FHIT: variants seen among roughly 807,000 people sequenced by gnomAD.
The protein encoded by FHIT is bis(5'-adenosyl)-triphosphatase.
In FHIT, 19 loss-of-function variants were observed where a neutral mutation model predicts 17.9. That is an observed-to-expected ratio of 1.06 (90% confidence interval 0.74 to 1.56). FHIT has a LOEUF of 1.56. Among genes scored for constraint, FHIT ranks in the 40% most tolerant of loss-of-function variants. The pLI, the probability that FHIT is intolerant of heterozygous loss-of-function variation, is 0.00. For missense variants in FHIT, 248 were observed against 189.2 expected (o/e 1.31, Z -1.82); for synonymous variants, 81 against 69.7 (o/e 1.16, Z -0.81).
chr3:60,848,993 T>A (rs1302852963), intron 3 of FHIT, among the ~76,000 whole-genome samples: 1 of 152,166 alleles, frequency 6.6e-6, no homozygotes, highest in Non-Finnish European at 1.5e-5. Flanking sequence ...AATTTGGATA[T>A]AACATTATGA....
chr3:59,850,461 A>T (rs1424842178), intron 8 of FHIT, among the ~76,000 whole-genome samples: 1 of 152,104 alleles, frequency 6.6e-6, no homozygotes, highest in Non-Finnish European at 1.5e-5. Flanking sequence ...AACCCTGAAA[A>T]ACCTAAGCCC....
chr3:60,530,820 T>C (rs979162116), intron 5 of FHIT, among the ~76,000 whole-genome samples: 1 of 152,246 alleles, frequency 6.6e-6, no homozygotes, highest in African/African-American at 2.4e-5. Context: ...TTGGTCAACT[T>C]TGAATGATGA....
At chr3:60,818,946 T>C (rs1701828002) in intron 4 of FHIT, among the ~76,000 whole-genome samples, 2 of 152,164 alleles carry the variant, frequency 1.3e-5, no homozygotes, top group African/African-American at 2.4e-5. Flanking sequence ...TGCTTCCAAG[T>C]TTTGAATTTC....
At chr3:59,946,393 GTTGT>G (rs1706805230) in intron 7 of FHIT, among the ~76,000 whole-genome samples, 1 of 152,196 alleles carries the variant, frequency 6.6e-6, no homozygotes, top group Non-Finnish European at 1.5e-5. Flanking sequence ...CCTTGCTGAA[GTTGT>G]TTATCAAATT....
intron 5 of FHIT, among the ~76,000 whole-genome samples, chr3:60,194,212 C>T (rs1702522117): frequency 6.6e-6 from 1 of 152,092 alleles, no homozygotes. Context: ...GTAACCAAGA[C>T]AGCATGGTAC....
intron 4 of FHIT, among the ~76,000 whole-genome samples, chr3:60,777,400 T>C (rs997536568): frequency 2.0e-4 from 31 of 152,224 alleles, no homozygotes; most frequent in Admixed American, 1.3e-4. Flanking sequence ...TGGATGACGG[T>C]TGAGTTTATC....
At chr3:60,444,503 A>T (rs549313203) in intron 5 of FHIT, among the ~76,000 whole-genome samples, 16 of 152,354 alleles carry the variant, frequency 1.1e-4, no homozygotes, top group African/African-American at 3.8e-4. Flanking sequence ...ACCATGGAAT[A>T]CTATGCAGCC....
intron 5 of FHIT, among the ~76,000 whole-genome samples, chr3:60,278,090 C>G (rs1209675883): frequency 6.6e-6 from 1 of 152,114 alleles, no homozygotes; most frequent in South Asian, 2.1e-4. Flanking sequence ...GATACGAACA[C>G]GTGTATGATA....
Position 60,017,127 on chromosome 3 carries a change from C to T in FHIT, c.104-2975G>A, listed in dbSNP as rs575786371. Among the ~76,000 whole-genome samples the T allele has an allele frequency of 1.3e-4, 20 of 152,240 alleles. No homozygotes were observed. The South Asian group carries it at 2.7e-3, about 21-fold the overall frequency. On this transcript the variant is annotated intron_variant, in intron 5 of 9. Transcript: ENST00000492590. ...TTTCATGACTCCATTTTTGCCTAGCCTCTTATTAAAACTGTGCCCTGCATT... is the reference window on the plus strand; with the variant it reads ...TTTCATGACTCCATTTTTGCCTAGCTTCTTATTAAAACTGTGCCCTGCATT...
intron 3 of FHIT, among the ~76,000 whole-genome samples, chr3:60,930,663 A>G (rs1272585735): frequency 6.6e-6 from 1 of 152,222 alleles, no homozygotes; most frequent in Non-Finnish European, 1.5e-5. Context: ...AACCACAATG[A>G]GATACCATCT....
chr3:61,235,580 T>C (rs2040211222), intron 1 of FHIT, among the ~76,000 whole-genome samples: 1 of 152,144 alleles, frequency 6.6e-6, no homozygotes, highest in South Asian at 2.1e-4. Flanking sequence ...CGCATGCCTG[T>C]AGTCCCAGCT....
intron 3 of FHIT, among the ~76,000 whole-genome samples, chr3:60,955,597 C>CATATATATATATATATATAT (rs201555469): frequency 1.5e-4 from 12 of 77,698 alleles, no homozygotes; most frequent in African/African-American, 4.8e-4. Context: ...CATATATATA[C>CATATATATATATATATATAT]ATATATATAT....
intron 8 of FHIT, among the ~76,000 whole-genome samples, chr3:59,876,902 T>C (rs537494298): frequency 6.6e-6 from 1 of 152,236 alleles, no homozygotes; most frequent in Non-Finnish European, 1.5e-5. Context: ...AGGAAGATGA[T>C]ACAATTCCGG....
At chr3:61,192,812 T>A (rs1466761173) in intron 2 of FHIT, among the ~76,000 whole-genome samples, 1 of 152,162 alleles carries the variant, frequency 6.6e-6, no homozygotes, top group African/African-American at 2.4e-5. Context: ...AGAAAAAGGA[T>A]TAATCATGTG....
intron 5 of FHIT, among the ~76,000 whole-genome samples, chr3:60,095,188 T>C (rs753487285): frequency 9.9e-5 from 15 of 152,184 alleles, no homozygotes; most frequent in Non-Finnish European, 1.8e-4. Flanking sequence ...GGCACAACGA[T>C]GCATTTTGTA....
chr3:60,916,953 T>C (rs1707036299), intron 3 of FHIT, among the ~76,000 whole-genome samples: 1 of 152,216 alleles, frequency 6.6e-6, no homozygotes, highest in Non-Finnish European at 1.5e-5. Context: ...GACAACATTT[T>C]TGAAACAGTG....
chr3:60,970,183 CA>C (rs1367347742), intron 3 of FHIT, among the ~76,000 whole-genome samples: 1 of 152,186 alleles, frequency 6.6e-6, no homozygotes, highest in Non-Finnish European at 1.5e-5. Flanking sequence ...GGTAAAATCC[CA>C]ACTAAGGCTG....
At chr3:60,102,622 TA>T (rs368662819) in intron 5 of FHIT, among the ~76,000 whole-genome samples, 4,158 of 138,810 alleles carry the variant, frequency 0.03, 77 homozygotes, top group South Asian at 0.044. Flanking sequence ...TAAATAAGAA[TA>T]AAAAAAAAAA....
intron 2 of FHIT, among the ~76,000 whole-genome samples, chr3:61,067,088 T>C (rs912048374): frequency 2.6e-5 from 4 of 152,162 alleles, no homozygotes; most frequent in Non-Finnish European, 5.9e-5. Context: ...CAGCAGAACT[T>C]GAGGACCCTG....
Sources: gnomAD v4.1 joint callset for allele counts (sites outside exome capture counted in the v4.1 genomes callset) on GRCh38, gnomAD v4.1.1 for gene constraint, MANE v1.5 for transcripts, NCBI Gene and HGNC (gene_info 2026-07-23, HGNC 2026-07-21) for gene names.